The following ANKRD36C variants were observed in gnomAD, a reference collection of about 807,000 sequenced individuals.
ANKRD36C encodes ankyrin repeat domain 36C, also known as ankyrin repeat domain-containing protein 36C.
ANKRD36C carries 61 observed loss-of-function variants against 276.4 expected under a neutral mutation model. The ratio of observed to expected loss-of-function variants is 0.22; its 90% CI spans 0.18 to 0.27. The LOEUF (loss-of-function observed/expected upper bound fraction) is 0.27. ANKRD36C is among the 10% of genes least tolerant of loss of function. The pLI, the probability that ANKRD36C is intolerant of heterozygous loss-of-function variation, is 1.00. For missense variants in ANKRD36C, 1,447 were observed against 2,032.3 expected (o/e 0.71, Z 5.54); for synonymous variants, 483 against 680.1 (o/e 0.71, Z 4.51).
chr2:95,990,535 CAA>C (rs1306442633), intron 1 of ANKRD36C, among the ~76,000 whole-genome samples: 1 of 152,130 alleles, frequency 6.6e-6, no homozygotes, highest in African/African-American at 2.4e-5. Flanking sequence ...GACTCCATTT[CAA>C]AAGTTTTCTT....
chr2:95,921,727 A>T lies in ANKRD36C; in HGVS notation c.2173-48T>A, dbSNP rs761823797. On this transcript the variant is annotated intron_variant, in intron 33 of 66. Transcript: ENST00000456556. ...TAATAAATAAATAAATAAATGAAGC[A>T]TGTTTCATAGACTATAGATTCACTA... The T allele has an allele frequency of 1.3e-4, 204 of 1,589,982 alleles. 3 individuals are homozygous for T. Among genetic ancestry groups the T allele is most frequent in the Non-Finnish European group, 1.6e-4 (190 of 1,169,850 alleles).
At chr2:95,958,509 GC>G in intron 12 of ANKRD36C, 81 bp downstream of exon 12, 1 of 1,496,592 alleles carries the variant, frequency 6.7e-7, no homozygotes. Context: ...GCTTCAATGA[GC>G]CCCCTGCTGA....
Position 95,864,376 on chromosome 2 carries a change from C to T in ANKRD36C, c.3682+3064G>A, listed in dbSNP as rs1329980081. ...CTCCTGATGTCTCAAAGAAGAAACA[C>T]TCTCAGTAACATAAGAATCCAAGGG... On this transcript the variant is annotated intron_variant, in intron 60 of 66. Transcript: ENST00000456556. Among the ~76,000 whole-genome samples the T allele has an allele frequency of 5.3e-5, 8 of 151,646 alleles. No individual in the cohort carries two copies. The East Asian group carries it at 5.8e-4, about 11-fold the overall frequency.
intron 46 of ANKRD36C, 48 bp downstream of exon 66, chr2:95,891,617 C>G (rs1367256832): frequency 6.5e-7 from 1 of 1,528,184 alleles, no homozygotes; most frequent in Non-Finnish European, 8.8e-7. Context: ...AAGAGAATTT[C>G]TTATCTATCT....
At chr2:95,951,259 T>G in intron 15 of ANKRD36C, 89 bp downstream of exon 15, 1 of 1,135,270 alleles carries the variant, frequency 8.8e-7, no homozygotes, top group Non-Finnish European at 1.2e-6. Context: ...TGCTGCAGAC[T>G]AGTAAGACTG....
intron 34 of ANKRD36C, among the ~76,000 whole-genome samples, chr2:95,918,404 C>A (rs1305526889): frequency 6.6e-6 from 1 of 151,590 alleles, no homozygotes; most frequent in Non-Finnish European, 1.5e-5. Flanking sequence ...CTACATGATC[C>A]CACATGTCTT....
intron 10 of ANKRD36C, among the ~76,000 whole-genome samples, chr2:95,959,523 G>C (rs1385654155): frequency 2.0e-5 from 3 of 152,172 alleles, no homozygotes; most frequent in Non-Finnish European, 2.9e-5. Flanking sequence ...ACAAAATAAA[G>C]TTACTGAAAG....
At chr2:95,968,182 C>A (rs1678630982) in intron 6 of ANKRD36C, among the ~76,000 whole-genome samples, 1 of 152,104 alleles carries the variant, frequency 6.6e-6, no homozygotes, top group African/African-American at 2.4e-5. Flanking sequence ...CAGAGACTCT[C>A]ATGATTTGTT....
At chr2:95,875,310 GAAA>G (rs1675917781) in intron 59 of ANKRD36C, among the ~76,000 whole-genome samples, 1 of 151,982 alleles carries the variant, frequency 6.6e-6, no homozygotes, top group African/African-American at 2.4e-5. Flanking sequence ...CCTGGATTAA[GAAA>G]ATGTGACACA....
intron 4 of ANKRD36C, among the ~76,000 whole-genome samples, chr2:95,981,253 TTTAA>T (rs1237612588): frequency 6.6e-6 from 1 of 151,146 alleles, no homozygotes; most frequent in Non-Finnish European, 1.5e-5. Flanking sequence ...GTGCTAGGCA[TTTAA>T]TTAAACATGA....
At chr2:95,857,250 A>G in intron 62 of ANKRD36C, 59 bp downstream of exon 82, 3 of 1,562,500 alleles carry the variant, frequency 1.9e-6, no homozygotes, top group African/African-American at 1.4e-5. Context: ...AACAAAAGAG[A>G]TGGTATAAGT....
In ANKRD36C at chr2:95,858,223, G is replaced by A. The variant is rs77534190; in HGVS notation, c.3897-731C>T. ...TGTGTCGGGGGCCATGGTCACTCAT[G>A]TTTGGCTCAGAATAAATCTCTTCAA... On this transcript the variant is annotated intron_variant, in intron 61 of 66. Coordinates refer to ENST00000456556, the Ensembl canonical transcript of ANKRD36C. Among the ~76,000 whole-genome samples the A allele has an allele frequency of 3.3e-3, 486 of 146,468 alleles. 1 individual carries two copies. Among genetic ancestry groups the A allele is most frequent in the African/African-American group, 4.0e-3 (165 of 40,980 alleles).
intron 6 of ANKRD36C, among the ~76,000 whole-genome samples, chr2:95,976,271 A>G (rs1306623560): frequency 4.6e-5 from 7 of 152,338 alleles, no homozygotes; most frequent in African/African-American, 9.6e-5. Context: ...CAGCCATCCC[A>G]TTACTGGGTA....
rs1679085789 is a variant in ANKRD36C, at chr2:95,988,996, C to T, written c.198-1790G>A. 5.3e-5 allele frequency among the ~76,000 whole-genome samples: 8 copies of T among 152,154 alleles called. 1 individual carries two copies. In the South Asian group the frequency reaches 1.7e-3, roughly 32 times the overall value. Reference sequence around the variant, plus strand: ...CAGCCTGGCCAACATGGTGAAACCCCGTCTTTACTAAAATATACAAAAATT... The same window carrying T: ...CAGCCTGGCCAACATGGTGAAACCCTGTCTTTACTAAAATATACAAAAATT... On this transcript the variant is annotated intron_variant, in intron 1 of 66. Transcript: ENST00000456556.
chr2:95,958,114 C>T (rs1231473374), intron 12 of ANKRD36C, among the ~76,000 whole-genome samples: 2 of 152,244 alleles, frequency 1.3e-5, no homozygotes, highest in Non-Finnish European at 2.9e-5. Flanking sequence ...TTCCCTTCTT[C>T]CTGCCTCACA....
intron 34 of ANKRD36C, among the ~76,000 whole-genome samples, chr2:95,920,756 T>G (rs1472426701): frequency 4.8e-5 from 7 of 147,066 alleles, no homozygotes; most frequent in Admixed American, 1.4e-4. Context: ...TCAACATAAT[T>G]TTTGTTTCTA....
chr2:95,893,283 T>G (rs1676430263), intron 44 of ANKRD36C, among the ~76,000 whole-genome samples: 1 of 151,120 alleles, frequency 6.6e-6, no homozygotes, highest in African/African-American at 2.4e-5. Flanking sequence ...CCAGAGCCCC[T>G]TATGTCTTCA....
Position 95,946,156 on chromosome 2 carries a change from G to GAAA in ANKRD36C, c.1363-985_1363-983dup, listed in dbSNP as rs56964568. 1.6e-3 allele frequency among the ~76,000 whole-genome samples: 115 copies of GAAA among 73,290 alleles called. 2 individuals are homozygous for GAAA. Among genetic ancestry groups the GAAA allele is most frequent in the South Asian group, 4.1e-3 (8 of 1,952 alleles). 48.1% of individuals were successfully genotyped at this position (73,290 alleles called of 152,430 possible). A position where few individuals can be genotyped will look rare whatever the true frequency, so the allele number is the denominator to read the frequency against. On this transcript the variant is annotated intron_variant, in intron 17 of 66. Coordinates refer to ENST00000456556, the Ensembl canonical transcript of ANKRD36C. ...AACAGAGAGAGAGAGACAGAGAGAG[G>GAAA]AAAAAAAAAAAAAAAAAAAAAACAA...
chr2:95,893,041 T>G (rs1676420248), intron 44 of ANKRD36C, among the ~76,000 whole-genome samples: 1 of 151,082 alleles, frequency 6.6e-6, no homozygotes, highest in Non-Finnish European at 1.5e-5. Flanking sequence ...CAAAATTATA[T>G]AAATGACTGC....
Sources: allele counts gnomAD v4.1 joint callset (sites outside exome capture counted in the v4.1 genomes callset), GRCh38; gene constraint gnomAD v4.1.1; transcripts MANE v1.5; gene names NCBI Gene and HGNC (gene_info 2026-07-23, HGNC 2026-07-21).